AHNAK: variants seen among roughly 807,000 people sequenced by gnomAD.
The protein encoded by AHNAK is AHNAK nucleoprotein.
In AHNAK, 23 loss-of-function variants were observed where a neutral mutation model predicts 37.8. That is an observed-to-expected ratio of 0.61 (90% CI 0.44 to 0.86). The LOEUF (loss-of-function observed/expected upper bound fraction) is 0.86, where lower values mean the gene tolerates loss of function less well. Ranked by LOEUF, AHNAK falls within the 40% of genes least tolerant of loss-of-function variation. AHNAK has a pLI of 0.00. For missense variants in AHNAK, 7,411 were observed against 7,319.4 expected, an observed-to-expected ratio of 1.01 and a Z score of -0.46; for synonymous variants, 2,481 against 2,636.3, an observed-to-expected ratio of 0.94 and a Z score of 1.80.
At chr11:62,485,707 A>AG (rs1303174122) in intron 5 of AHNAK, among the ~76,000 whole-genome samples, 2 of 148,192 alleles carry the variant, frequency 1.3e-5, no homozygotes, top group African/African-American at 5.0e-5. Context: ...ATCTCAAAAA[A>AG]AAAAAAAAAA....
intron 1 of AHNAK, among the ~76,000 whole-genome samples, chr11:62,542,617 T>C (rs1414891300): frequency 1.3e-5 from 2 of 152,138 alleles, no homozygotes; most frequent in African/African-American, 4.8e-5. Flanking sequence ...GCCCTGAAGC[T>C]CCAAGCTCTC....
chr11:62,536,883 A>C (rs772279279), intron 1 of AHNAK, among the ~76,000 whole-genome samples: 1 of 152,078 alleles, frequency 6.6e-6, no homozygotes, highest in South Asian at 2.1e-4. Flanking sequence ...AAAATAGAGC[A>C]CTGGCCGGCA....
intron 1 of AHNAK, among the ~76,000 whole-genome samples, chr11:62,542,372 C>T (rs1349410899): frequency 1.3e-5 from 2 of 152,234 alleles, no homozygotes; most frequent in South Asian, 2.1e-4. Context: ...GAGAGGGAGG[C>T]GCCAGCCCAG....
chr11:62,483,291 G>T (rs1247132526), intron 5 of AHNAK, among the ~76,000 whole-genome samples: 2 of 152,140 alleles, frequency 1.3e-5, no homozygotes, highest in Non-Finnish European at 2.9e-5. Flanking sequence ...GGGAGTCGGG[G>T]GCCACTCAGC....
intron 5 of AHNAK, among the ~76,000 whole-genome samples, chr11:62,466,445 A>G (rs767378657): frequency 4.0e-5 from 6 of 150,536 alleles, no homozygotes; most frequent in Non-Finnish European, 8.8e-5. Context: ...TCCCAAACTT[A>G]ACGTATCCAA....
In AHNAK at chr11:62,519,865, A is replaced by C. The variant is rs748859420; in HGVS notation, c.14552T>G (p.Ile4851Arg). The C allele has an allele frequency of 5.6e-6, 9 of 1,614,154 alleles. No homozygotes were observed. The highest frequency in any genetic ancestry group is 7.6e-6 in the Non-Finnish European group (9 of 1,180,006). The change falls in exon 5 of 5, where the codon ATA becomes AGA. Residue 4851 changes from isoleucine to arginine, a missense_variant. Transcript: ENST00000378024. ...EINIKAPKIS[I>R]PDVDLDLKGP... is the part of the protein sequence containing the mutation. ...TTTCAAATCCAGGTCAACATCAGGT[A>C]TGGAGATCTTGGGAGCTTTGATATT...
chr11:62,520,232 T>A lies in AHNAK; in HGVS notation c.14185A>T (p.Asn4729Tyr). The change falls in exon 5 of 5, where the codon AAC (asparagine) becomes TAC (tyrosine). Residue 4729 changes from asparagine to tyrosine, a missense_variant. Transcript: ENST00000378024. Reference protein sequence around the residue: ...PKISMPDIDLNLKGPKVKGDV... With the variant: ...PKISMPDIDLYLKGPKVKGDV... ...CCCTTCACTTTGGGTCCTTTCAGGT[T>A]TAAGTCAATATCAGGCATGGAGATC... 3 of 1,611,416 alleles carry A rather than the reference T, an allele frequency of 1.9e-6. No individual in the cohort carries two copies.
chr11:62,483,286 T>A (rs1236997089), intron 5 of AHNAK, among the ~76,000 whole-genome samples: 1 of 151,888 alleles, frequency 6.6e-6, no homozygotes, highest in Non-Finnish European at 1.5e-5. Flanking sequence ...GATACGGGAG[T>A]CGGGGGCCAC....
chr11:62,527,139 G>A lies in AHNAK; in HGVS notation c.7278C>T (p.Asp2426=). 4.3e-6 allele frequency: 7 copies of A among 1,613,726 alleles called. No individual in the cohort carries two copies. The highest frequency in any genetic ancestry group is 3.3e-5 in the South Asian group (3 of 90,972). Residue 2426 remains aspartate (D), a synonymous_variant, in exon 5 of 5, where the codon GAC becomes GAT. Coordinates refer to ENST00000378024, the MANE Select transcript of AHNAK (RefSeq NM_001620.3). ...TGCCCTCTGGTCCCTCAATGTCAAT[G>A]TCTGGCCCACTGACATCCACATGTG... ...KGPHVDVSGP[D]IDIEGPEGKL... is the part of the protein sequence containing the mutation.
rs748927321 is a variant in AHNAK at position 62,533,791 on chromosome 11, G to A, written c.626C>T (p.Pro209Leu). 2 of 1,614,152 alleles carry A rather than the reference G, an allele frequency of 1.2e-6. No homozygotes were observed. The highest frequency in any genetic ancestry group is 3.3e-5 in the Admixed American group (2 of 60,024). The change falls in exon 5 of 5, where the codon CCC (proline) becomes CTC (leucine). Residue 209 changes from proline to leucine, a missense_variant. Transcript: ENST00000378024. Reference sequence around the variant, plus strand: ...CGGAGAGGCTGCCCCCGAGCCCGAGGGCAGTCTGATCACGGTCTTCCCAGA... The same window carrying A: ...CGGAGAGGCTGCCCCCGAGCCCGAGAGCAGTCTGATCACGGTCTTCCCAGA... ...TQSGKTVIRL[P>L]SGSGAASPTG...
At chr11:62,502,231 T>C (rs946537042) in intron 4 of AHNAK, among the ~76,000 whole-genome samples, 1 of 152,298 alleles carries the variant, frequency 6.6e-6, no homozygotes, top group Middle Eastern at 3.4e-3. Context: ...GGGGCTGGAA[T>C]GGTGTCAATT....
At chr11:62,496,878 AG>A (rs1939621651) in intron 4 of AHNAK, among the ~76,000 whole-genome samples, 1 of 143,672 alleles carries the variant, frequency 7.0e-6, no homozygotes, top group African/African-American at 3.0e-5. Context: ...GAAGGGAGGG[AG>A]GGAAGGAAGG....
intron 4 of AHNAK, among the ~76,000 whole-genome samples, chr11:62,510,152 C>T (rs1412849957): frequency 3.3e-5 from 5 of 151,752 alleles, no homozygotes; most frequent in Non-Finnish European, 5.9e-5. Context: ...CCACCTCCCC[C>T]GGGTTCAAGA....
downstream of AHNAK, among the ~76,000 whole-genome samples, chr11:62,512,050 T>C (rs1939924113): frequency 6.6e-6 from 1 of 152,236 alleles, no homozygotes; most frequent in Non-Finnish European, 1.5e-5. The surrounding 1 kb of genome is among the most constrained non-coding windows in gnomAD (Gnocchi z 4.0). Context: ...TTTCACCATG[T>C]TGCCCAGGCT....
At position 62,516,595 on chromosome 11, in the gene AHNAK, T is replaced by A; in HGVS notation, c.*149A>T. ...TTCCAGGAGCCTACAGGCGGTCGGTTTTTCAGCGCTTGCCACCGGGCCAGG... is the reference window on the plus strand; with the variant it reads ...TTCCAGGAGCCTACAGGCGGTCGGTATTTCAGCGCTTGCCACCGGGCCAGG... On this transcript the variant is annotated 3_prime_UTR_variant, in exon 5 of 5. Coordinates refer to ENST00000378024, the MANE Select transcript of AHNAK (RefSeq NM_001620.3). 1 of 1,477,700 alleles carries A rather than the reference T, an allele frequency of 6.8e-7. No individual in the cohort carries two copies. Among genetic ancestry groups the A allele is most frequent in the African/African-American group, 1.4e-5 (1 of 71,140 alleles). The allele number at this position is 1,477,700 out of a possible 1,614,324, so 91.5% of individuals were successfully genotyped here. A position where few individuals can be genotyped will look rare whatever the true frequency, so the allele number is the denominator to read the frequency against.
intron 5 of AHNAK, among the ~76,000 whole-genome samples, chr11:62,480,141 G>A (rs1241272508): frequency 6.6e-6 from 1 of 152,188 alleles, no homozygotes; most frequent in Admixed American, 6.5e-5. Flanking sequence ...GCCCACTGCT[G>A]GGAGCAGGCT....
rs1940064680 is a variant in AHNAK at position 62,517,602 on chromosome 11, A to C, written c.16815T>G (p.Ala5605=). The C allele has an allele frequency of 3.1e-6, 5 of 1,614,056 alleles. No individual in the cohort carries two copies. In the East Asian group the frequency reaches 1.1e-4, roughly 36 times the overall value. ...CAAACTTAGATGTGTCCAAGTTGAGAGCAGAGGAGACTTGGGGTCCCTTCC... is the reference window on the plus strand; with the variant it reads ...CAAACTTAGATGTGTCCAAGTTGAGCGCAGAGGAGACTTGGGGTCCCTTCC... ...GEWKGPQVSS[A]LNLDTSKFAG... The change falls in exon 5 of 5, where the codon GCT becomes GCG. Residue 5605 remains alanine, a synonymous_variant. Transcript: ENST00000378024.
At chr11:62,480,684 A>AAAAGG (rs1939251092) in intron 5 of AHNAK, among the ~76,000 whole-genome samples, 1 of 150,858 alleles carries the variant, frequency 6.6e-6, no homozygotes, top group Non-Finnish European at 1.5e-5. Flanking sequence ...AAAAGAAAAG[A>AAAAGG]AAAAAAAGAA....
chr11:62,478,740 G>A (rs1939200129), intron 5 of AHNAK, among the ~76,000 whole-genome samples: 1 of 113,786 alleles, frequency 8.8e-6, no homozygotes, highest in Admixed American at 9.8e-5. Flanking sequence ...GACAGAATGA[G>A]ACCCTGCCTC....
Sources: allele counts gnomAD v4.1 joint callset (sites outside exome capture counted in the v4.1 genomes callset), GRCh38; gene constraint gnomAD v4.1.1; non-coding constraint Gnocchi (gnomAD v3.1); transcripts MANE v1.5; gene names NCBI Gene and HGNC (gene_info 2026-07-23, HGNC 2026-07-21).